AGO2: variants seen among roughly 807,000 people sequenced by gnomAD.
AGO2 encodes argonaute RISC catalytic component 2.
Under a neutral mutation model 102.3 loss-of-function variants are expected in AGO2, and 5 were observed. That is an observed-to-expected ratio of 0.05 (90% CI 0.03 to 0.10). The LOEUF (loss-of-function observed/expected upper bound fraction) is 0.10, where lower values mean the gene tolerates loss of function less well. Ranked by LOEUF, AGO2 falls within the 10% of genes least tolerant of loss-of-function variation. The probability of loss-of-function intolerance (pLI) is 1.00; values close to 1 mark genes in which losing one functional copy is unlikely to be tolerated. For synonymous variants in AGO2, 449 were observed against 473.1 expected (o/e 0.95, Z 0.66); for missense variants, 541 against 1,183.7 (o/e 0.46, Z 7.97).
chr8:140,580,072 T>G (rs944977505), intron 2 of AGO2, among the ~76,000 whole-genome samples: 2 of 152,218 alleles, frequency 1.3e-5, no homozygotes, highest in African/African-American at 4.8e-5. Flanking sequence ...CCCACGTGAC[T>G]TCAGCAAGGC....
At chr8:140,616,967 C>T (rs561787671) in intron 1 of AGO2, among the ~76,000 whole-genome samples, 23 of 152,344 alleles carry the variant, frequency 1.5e-4, no homozygotes, top group Non-Finnish European at 2.6e-4. Flanking sequence ...TCTCCACCCC[C>T]GCGCACCCTC....
At chr8:140,552,736 GCGCGCACACACACACACA>G (rs57995165) in intron 10 of AGO2, among the ~76,000 whole-genome samples, 22,869 of 132,918 alleles carry the variant, frequency 0.17, 2,125 homozygotes, top group African/African-American at 0.32. Context: ...GCACGCGCGC[GCGCGCACACACACACACA>G]CACACACACA....
At chr8:140,598,737 G>A (rs1564108937) in intron 1 of AGO2, among the ~76,000 whole-genome samples, 1 of 152,114 alleles carries the variant, frequency 6.6e-6, no homozygotes, top group African/African-American at 2.4e-5. Flanking sequence ...TTCCTCCTCT[G>A]AAAACTGGAG....
chr8:140,533,257 C>T (rs571005630), intron 17 of AGO2, among the ~76,000 whole-genome samples: 45 of 151,472 alleles, frequency 3.0e-4, no homozygotes, highest in African/African-American at 6.3e-4. Context: ...GGCGTGGTGG[C>T]GGGCATCTGT....
rs2072426073 is a variant in AGO2, at chr8:140,522,190, A to G, written c.*9854T>C. ...GGTTCAACATAAAAGGCACAAATAA[A>G]TAAAAATATCATTAAATAAACGGAA... On this transcript the variant is annotated 3_prime_UTR_variant, in exon 19 of 19. Transcript: ENST00000220592. 6.6e-6 allele frequency: 1 copy of G among 152,338 alleles called. No homozygotes were observed. Among genetic ancestry groups the G allele is most frequent in the South Asian group, 2.1e-4 (1 of 4,834 alleles). 9.4% of individuals were successfully genotyped at this position (152,338 alleles called of 1,614,324 possible). A position where few individuals can be genotyped will look rare whatever the true frequency, so the allele number is the denominator to read the frequency against.
At position 140,528,287 on chromosome 8, in the gene AGO2, CTG is replaced by C. The variant is rs1170075201; in HGVS notation, c.*3755_*3756del. 1 of 152,198 alleles carries C rather than the reference CTG, an allele frequency of 6.6e-6. No homozygotes were observed. The highest frequency in any genetic ancestry group is 2.4e-5 in the African/African-American group (1 of 41,452). The allele number at this position is 152,198 out of a possible 1,614,324, so 9.4% of individuals were successfully genotyped here. On this transcript the variant is annotated 3_prime_UTR_variant, in exon 19 of 19. Transcript: ENST00000220592. This position sits in a 1 kb window ranked among gnomAD's most constrained non-coding sequence, Gnocchi z 4.5. ...TTAGGTACCACATGCACTGGAATAT[CTG>C]TGTCGGCCAAACCAAACCAGAGCAG... is the stretch of plus-strand genomic sequence containing the variant.
At chr8:140,562,207 C>T (rs543393942) in intron 4 of AGO2, among the ~76,000 whole-genome samples, 3 of 152,342 alleles carry the variant, frequency 2.0e-5, no homozygotes, top group Admixed American at 6.5e-5. Flanking sequence ...CACGAAGGCA[C>T]CAGCGTGCAC....
intron 3 of AGO2, among the ~76,000 whole-genome samples, chr8:140,570,371 G>C (rs756709047): frequency 6.6e-6 from 1 of 151,812 alleles, no homozygotes; most frequent in Non-Finnish European, 1.5e-5. Flanking sequence ...GACTATAGGC[G>C]TGTGCCCCTA....
At chr8:140,534,668 T>C (rs1208902542) in intron 17 of AGO2, among the ~76,000 whole-genome samples, 1 of 152,244 alleles carries the variant, frequency 6.6e-6, no homozygotes, top group Non-Finnish European at 1.5e-5. Context: ...TAAAGGTACG[T>C]ACAAAGTTCA....
At chr8:140,587,543 G>T (rs2073677620) in intron 1 of AGO2, among the ~76,000 whole-genome samples, 1 of 152,198 alleles carries the variant, frequency 6.6e-6, no homozygotes, top group African/African-American at 2.4e-5. Context: ...ACAAGCTGGA[G>T]GATCAAAGCC....
chr8:140,634,440 C>T (rs2074377492), intron 1 of AGO2, among the ~76,000 whole-genome samples: 1 of 152,222 alleles, frequency 6.6e-6, no homozygotes, highest in Non-Finnish European at 1.5e-5. Context: ...CCGGCTGGGG[C>T]CCAGCGGACA....
chr8:140,603,649 C>G (rs913264415), intron 1 of AGO2, among the ~76,000 whole-genome samples: 1 of 152,246 alleles, frequency 6.6e-6, no homozygotes, highest in Admixed American at 6.5e-5. Context: ...CCTGGCCCCC[C>G]TCATGTGGCA....
In AGO2 at chr8:140,555,009, A is replaced by AAAACAAAC. The variant is rs1193000966; in HGVS notation, c.1269+879_1269+886dup. 6.2e-4 allele frequency among the ~76,000 whole-genome samples: 94 copies of AAAACAAAC among 152,320 alleles called. 2 individuals are homozygous for AAAACAAAC. Among genetic ancestry groups the AAAACAAAC allele is most frequent in the African/African-American group, 2.2e-3 (92 of 41,568 alleles). On this transcript the variant is annotated intron_variant, in intron 10 of 18. Coordinates refer to ENST00000220592, the MANE Select transcript of AGO2 (RefSeq NM_012154.5). Reference sequence around the variant, plus strand: ...ACCCATATTTTAAAATAAGACAAGAAAAACAAACAAACAAACAAAAAACAA... The same window carrying AAAACAAAC: ...ACCCATATTTTAAAATAAGACAAGAAAAACAAACAAACAAACAAACAAACAAAAAACAA...
chr8:140,552,736 GCGCGCACACACACACA>G (rs1184111595), intron 10 of AGO2, among the ~76,000 whole-genome samples: 127 of 132,998 alleles, frequency 9.5e-4, no homozygotes, highest in Middle Eastern at 4.0e-3. Context: ...GCACGCGCGC[GCGCGCACACACACACA>G]CACACACACA....
chr8:140,613,364 T>C (rs905858557), intron 1 of AGO2, among the ~76,000 whole-genome samples: 4 of 152,254 alleles, frequency 2.6e-5, no homozygotes, highest in African/African-American at 9.6e-5. Context: ...GAAATTATCT[T>C]TCATAAAAAC....
intron 16 of AGO2, among the ~76,000 whole-genome samples, chr8:140,536,654 T>C (rs2072703932): frequency 6.6e-6 from 1 of 152,210 alleles, no homozygotes; most frequent in Non-Finnish European, 1.5e-5. Context: ...TAGGTTTGGA[T>C]TTTGTTCATC....
At chr8:140,547,300 G>A (rs552779065) in intron 13 of AGO2, among the ~76,000 whole-genome samples, 168 bp downstream of exon 13, 1 of 152,356 alleles carries the variant, frequency 6.6e-6, no homozygotes, top group South Asian at 2.1e-4. Context: ...CCAGCAGAGC[G>A]TGAGCAGCCA....
rs1366266118 is a variant in AGO2 at position 140,541,116 on chromosome 8, A to G, written c.2034+48T>C. On this transcript the variant is annotated intron_variant, in intron 15 of 18. Transcript: ENST00000220592. ...CGTGGTTCTGCTGCACAAACAGGTG[A>G]ATTACAGACCCCAGAGAAGGGGAGG... 2.0e-6 allele frequency: 3 copies of G among 1,479,504 alleles called. No homozygotes were observed. In the Admixed American group the frequency reaches 7.3e-5, roughly 36 times the overall value. 91.6% of individuals were successfully genotyped at this position (1,479,504 alleles called of 1,614,324 possible). A position where few individuals can be genotyped will look rare whatever the true frequency, so the allele number is the denominator to read the frequency against.
chr8:140,580,980 C>A (rs1410517170), intron 2 of AGO2, among the ~76,000 whole-genome samples: 1 of 152,266 alleles, frequency 6.6e-6, no homozygotes, highest in South Asian at 2.1e-4. Flanking sequence ...ATCACGTTCT[C>A]ATCACCCTCA....
Sources: allele counts gnomAD v4.1 joint callset (sites outside exome capture counted in the v4.1 genomes callset), GRCh38; gene constraint gnomAD v4.1.1; non-coding constraint Gnocchi (gnomAD v3.1); transcripts MANE v1.5; gene names NCBI Gene and HGNC (gene_info 2026-07-23, HGNC 2026-07-21).